Variants in EHMT2 observed in about 807,000 individuals in gnomAD.
The protein encoded by EHMT2 is euchromatic histone lysine methyltransferase 2.
In EHMT2, 59 loss-of-function variants were observed where a neutral mutation model predicts 143.3. The ratio of observed to expected loss-of-function variants is 0.41; its 90% confidence interval spans 0.33 to 0.51. The LOEUF is 0.51. Ranked by LOEUF, EHMT2 falls within the 20% of genes least tolerant of loss-of-function variation. The probability of loss-of-function intolerance (pLI) is 0.18; values close to 1 mark genes in which losing one functional copy is unlikely to be tolerated. For missense variants in EHMT2, 1,174 were observed against 1,645.9 expected (o/e 0.71, Z 4.96); for synonymous variants, 604 against 651.5 (o/e 0.93, Z 1.11).
intron 4 of EHMT2, 99 bp downstream of exon 4, chr6:31,896,164 T>C (rs1036316886): frequency 1.3e-6 from 2 of 1,494,542 alleles, no homozygotes; most frequent in Admixed American, 2.2e-5. Context: ...CTTGCTTAAA[T>C]ATGTGAATGA....
In EHMT2 at chr6:31,888,137, C is replaced by G; in HGVS notation, c.1649G>C (p.Arg550Pro). Residue 550 changes from arginine to proline, a missense_variant, in exon 13 of 28, where the codon CGG becomes CCG. Arg to Pro is a moderately radical substitution (Grantham distance 103, BLOSUM62 -2). Around this residue, in one of 6 missense-constraint regions of EHMT2, gnomAD observed 608 missense variants for 903.7 expected, o/e 0.67. Transcript: ENST00000375537. This position sits in a 1 kb window ranked among gnomAD's most constrained non-coding sequence, Gnocchi z 7.4. ...GGCCGGTGGGGTCACCCCGTCACCC[C>G]GGGGGATGGTCACCTCTTGAGCTTC... The G allele has an allele frequency of 1.2e-6, 2 of 1,612,456 alleles. No homozygotes were observed. Among genetic ancestry groups the G allele is most frequent in the Non-Finnish European group, 1.7e-6 (2 of 1,179,798 alleles).
At chr6:31,893,278 T>C (rs1018001932) in intron 4 of EHMT2, 2 of 448,688 alleles carry the variant, frequency 4.5e-6, no homozygotes, top group Non-Finnish European at 8.5e-6. Context: ...AAGCAAAATG[T>C]GGCATTTATA....
In EHMT2 at chr6:31,888,802, C is replaced by A. The variant is rs974349998; in HGVS notation, c.1217-55G>T. 2.6e-5 allele frequency: 41 copies of A among 1,595,302 alleles called. 1 individual carries two copies. The highest frequency in any genetic ancestry group is 4.5e-5 in the East Asian group (2 of 44,746). ...AGGCTCTGCACCTCACCTACTGGGA[C>A]CCCTGGCGGGTCCTCTCACTCCCTC... On this transcript the variant is annotated intron_variant, in intron 10 of 27. Coordinates refer to ENST00000375537, the Ensembl canonical transcript of EHMT2. This position sits in a 1 kb window ranked among gnomAD's most constrained non-coding sequence, Gnocchi z 7.4.
chr6:31,884,690 G>T lies in EHMT2; in HGVS notation c.2558C>A (p.Thr853Asn). The T allele has an allele frequency of 1.9e-6, 3 of 1,585,882 alleles. No homozygotes were observed. The highest frequency in any genetic ancestry group is 2.6e-6 in the Non-Finnish European group (3 of 1,162,962). The change falls in exon 20 of 28, where the codon ACC becomes AAC. Residue 853 changes from threonine (T) to asparagine (N), a missense_variant. Physicochemically the swap from Thr to Asn is moderately conservative, Grantham distance 65 (BLOSUM62 0). Transcript: ENST00000375537. This position sits in a 1 kb window ranked among gnomAD's most constrained non-coding sequence, Gnocchi z 7.3. ...CTCCCGAGCTGCGATGTGCAGGGGGGTGTCCCCATGGTAGTTGACAGCATG... is the reference window on the plus strand; with the variant it reads ...CTCCCGAGCTGCGATGTGCAGGGGGTTGTCCCCATGGTAGTTGACAGCATG...
At chr6:31,892,248 CA>C (rs1180407661) in intron 7 of EHMT2, among the ~76,000 whole-genome samples, 158 bp downstream of exon 7, 1 of 150,952 alleles carries the variant, frequency 6.6e-6, no homozygotes, top group African/African-American at 2.4e-5. Flanking sequence ...TCTCCCCCCA[CA>C]AAAAAAAGGA....
rs1188624509 is a variant in EHMT2, at chr6:31,884,676, C to T, written c.2572G>A (p.Ala858Thr). 7 of 1,581,398 alleles carry T rather than the reference C, an allele frequency of 4.4e-6. No individual in the cohort carries two copies. Among genetic ancestry groups the T allele is most frequent in the Admixed American group, 1.7e-5 (1 of 57,570 alleles). Residue 858 changes from alanine to threonine, a missense_variant, in exon 20 of 28, where the codon GCA becomes ACA. Ala to Thr is a moderately conservative substitution (Grantham distance 58, BLOSUM62 0). Transcript: ENST00000375537. This position sits in a 1 kb window ranked among gnomAD's most constrained non-coding sequence, Gnocchi z 7.3. ...CAGTCATGGTAGCTCTCCCGAGCTG[C>T]GATGTGCAGGGGGGTGTCCCCATGG...
At position 31,881,424 on chromosome 6, in the gene EHMT2, G is replaced by C. The variant is rs1211121367; in HGVS notation, c.3198-332C>G. Reference sequence around the variant, plus strand: ...CCACCCGGCAGGAATGGGCGATATGGAACAGGAGAGGGGCCAGGACTGCAG... The same window carrying C: ...CCACCCGGCAGGAATGGGCGATATGCAACAGGAGAGGGGCCAGGACTGCAG... On this transcript the variant is annotated intron_variant, in intron 25 of 27. Coordinates refer to ENST00000375537, the Ensembl canonical transcript of EHMT2. The surrounding 1 kb of genome is among the most constrained non-coding windows in gnomAD (Gnocchi z 4.8). The C allele has an allele frequency of 4.4e-6, 2 of 451,272 alleles. No homozygotes were observed. The highest frequency in any genetic ancestry group is 8.2e-6 in the Non-Finnish European group (2 of 243,870). 28.0% of individuals were successfully genotyped at this position (451,272 alleles called of 1,614,324 possible). A position where few individuals can be genotyped will look rare whatever the true frequency, so the allele number is the denominator to read the frequency against.
rs35648327 is a variant in EHMT2, at chr6:31,886,086, C to CA, written c.2343+494dup. Reference sequence around the variant, plus strand: ...TGGGCAACAGAGTGAGACTCCGTCTCAAAAAAAAAAAAAAAAGTTTCCCAT... The same window carrying CA: ...TGGGCAACAGAGTGAGACTCCGTCTCAAAAAAAAAAAAAAAAAGTTTCCCAT... On this transcript the variant is annotated intron_variant, in intron 18 of 27. Transcript: ENST00000375537. 972 of 102,330 alleles carry CA rather than the reference C, an allele frequency of 9.5e-3. 4 individuals are homozygous for CA. Among genetic ancestry groups the CA allele is most frequent in the African/African-American group, 0.02 (577 of 29,426 alleles). The allele number at this position is 102,330 out of a possible 1,614,324, so 6.3% of individuals were successfully genotyped here.
chr6:31,894,439 G>A (rs560246092), intron 4 of EHMT2, among the ~76,000 whole-genome samples: 10 of 151,944 alleles, frequency 6.6e-5, no homozygotes, highest in South Asian at 2.1e-4. Context: ...GAGGCACCCC[G>A]CCTGGCCTAA....
intron 18 of EHMT2, chr6:31,885,879 G>C (rs969022355): frequency 3.9e-5 from 6 of 152,126 alleles, no homozygotes; most frequent in Admixed American, 6.5e-5. Context: ...ACGAGGTCAG[G>C]AGTTCAAGAT....
At position 31,889,177 on chromosome 6, in the gene EHMT2, G is replaced by C. The variant is rs753548578; in HGVS notation, c.1114+51C>G. The stretch of plus-strand genomic sequence containing the variant: ...CGTGTGTGTGCGTGCACACACTCTG[G>C]GGGGCCGGGCGGGGGCTGGAGGGCA... On this transcript the variant is annotated intron_variant, in intron 9 of 27. Transcript: ENST00000375537. This position sits in a 1 kb window ranked among gnomAD's most constrained non-coding sequence, Gnocchi z 5.1. 1.9e-6 allele frequency: 3 copies of C among 1,562,854 alleles called. No homozygotes were observed. The highest frequency in any genetic ancestry group is 1.1e-5 in the South Asian group (1 of 87,090).
At chr6:31,897,091 T>C (rs1766619329) in intron 1 of EHMT2, 102 bp from the exon 2 acceptor site, 1 of 1,466,430 alleles carries the variant, frequency 6.8e-7, no homozygotes, top group Non-Finnish European at 9.0e-7. Flanking sequence ...CTCCGGGGCC[T>C]ACCTCTTCCT....
Position 31,883,190 on chromosome 6 carries a change from C to T in EHMT2, c.2994+172G>A. 1 of 860,376 alleles carries T rather than the reference C, an allele frequency of 1.2e-6. No individual in the cohort carries two copies. The highest frequency in any genetic ancestry group is 1.9e-6 in the Non-Finnish European group (1 of 539,454). 53.3% of individuals were successfully genotyped at this position (860,376 alleles called of 1,614,324 possible). On this transcript the variant is annotated intron_variant, in intron 23 of 27. Coordinates refer to ENST00000375537, the Ensembl canonical transcript of EHMT2. This position sits in a 1 kb window ranked among gnomAD's most constrained non-coding sequence, Gnocchi z 5.6. ...TGGTTTGCATAGACCTGGGCACACG[C>T]CCATCGCTGTCCCAGCCACATCCCA...
rs1763965288 is a variant in EHMT2 at position 31,880,516 on chromosome 6, T to C, written c.3452+157A>G. 3.3e-6 allele frequency: 3 copies of C among 912,262 alleles called. No individual in the cohort carries two copies. Among genetic ancestry groups the C allele is most frequent in the Non-Finnish European group, 4.9e-6 (3 of 616,998 alleles). 56.5% of individuals were successfully genotyped at this position (912,262 alleles called of 1,614,324 possible). A position where few individuals can be genotyped will look rare whatever the true frequency, so the allele number is the denominator to read the frequency against. On this transcript the variant is annotated intron_variant, in intron 27 of 27. Transcript: ENST00000375537. This position sits in a 1 kb window ranked among gnomAD's most constrained non-coding sequence, Gnocchi z 6.6. ...ATCTCTCTGGGAGGCACAGGACTGTTTCCCCAAGTCCTCCAGGAAATACTT... is the reference window on the plus strand; with the variant it reads ...ATCTCTCTGGGAGGCACAGGACTGTCTCCCCAAGTCCTCCAGGAAATACTT...
intron 4 of EHMT2, chr6:31,895,710 T>C (rs1279709178): frequency 1.3e-5 from 2 of 152,652 alleles, no homozygotes; most frequent in Non-Finnish European, 2.9e-5. Context: ...ACTTGAATCT[T>C]TGCTCCTAAA....
chr6:31,884,440 C>T lies in EHMT2; in HGVS notation c.2723G>A (p.Arg908Gln), dbSNP rs199698402. 5.8e-5 allele frequency: 93 copies of T among 1,612,870 alleles called. No homozygotes were observed. Among genetic ancestry groups the T allele is most frequent in the Middle Eastern group, 1.6e-4 (1 of 6,062 alleles). ...GATGGCCCGATTTCCCACCCCAAGT[C>T]GGAGCTTGCGGTTGAGTTGAAGCGC... The change falls in exon 21 of 28, where the codon CGA (arginine) becomes CAA (glutamine). Residue 908 changes from arginine to glutamine, a missense_variant. Physicochemically the swap from Arg to Gln is conservative, Grantham distance 43 (BLOSUM62 1). Coordinates refer to ENST00000375537, the Ensembl canonical transcript of EHMT2. This position sits in a 1 kb window ranked among gnomAD's most constrained non-coding sequence, Gnocchi z 7.3.
In EHMT2 at chr6:31,892,395, G is replaced by C; in HGVS notation, c.864+12C>G. The C allele has an allele frequency of 6.2e-7, 1 of 1,611,298 alleles. No homozygotes were observed. Among genetic ancestry groups the C allele is most frequent in the Non-Finnish European group, 8.5e-7 (1 of 1,178,788 alleles). On this transcript the variant is annotated intron_variant, in intron 7 of 27. Transcript: ENST00000375537. ...GAGCACCGGCGGGGAGGGCAGACCAGCTCTGTCTCACCTTGCTGTCGGAGT... is the reference window on the plus strand; with the variant it reads ...GAGCACCGGCGGGGAGGGCAGACCACCTCTGTCTCACCTTGCTGTCGGAGT...
At chr6:31,896,872 G>A in intron 2 of EHMT2, 48 bp from the exon 3 acceptor site, 5 of 1,612,230 alleles carry the variant, frequency 3.1e-6, no homozygotes, top group South Asian at 1.1e-5. Context: ...AGGAGATCCT[G>A]TGTTTAGGGA....
At chr6:31,895,951 G>A (rs1766352757) in intron 4 of EHMT2, 1 of 311,656 alleles carries the variant, frequency 3.2e-6, no homozygotes, top group Non-Finnish European at 5.8e-6. Flanking sequence ...AGTTCCCCAA[G>A]GGCTTGCTTT....
Sources: allele counts gnomAD v4.1 joint callset (sites outside exome capture counted in the v4.1 genomes callset), GRCh38; gene constraint gnomAD v4.1.1; regional missense constraint gnomAD v4.1.1; non-coding constraint Gnocchi (gnomAD v3.1); transcripts MANE v1.5; gene names NCBI Gene and HGNC (gene_info 2026-07-23, HGNC 2026-07-21).